Variants in ZNF536 observed in about 807,000 individuals in gnomAD.
The protein encoded by ZNF536 is zinc finger protein 536.
Under a neutral mutation model 84.5 loss-of-function variants are expected in ZNF536, and 13 were observed. The observed-to-expected ratio is 0.15, with a 90% CI of 0.10 to 0.24. The LOEUF is 0.24. Among genes scored for constraint, ZNF536 ranks in the 10% least tolerant of loss-of-function variants. The pLI, the probability that ZNF536 is intolerant of heterozygous loss-of-function variation, is 1.00. For synonymous variants in ZNF536, 811 were observed against 742.5 expected, an observed-to-expected ratio of 1.09 and a Z score of -1.50; for missense variants, 1,536 against 1,747.5, an observed-to-expected ratio of 0.88 and a Z score of 2.16.
intron 1 of ZNF536, among the ~76,000 whole-genome samples, chr19:30,594,606 T>C (rs946013042): frequency 6.6e-6 from 1 of 152,110 alleles, no homozygotes; most frequent in African/African-American, 2.4e-5. Context: ...TAGGCGCTCG[T>C]CTGCAGGACA....
chr19:30,428,212 T>G (rs1489753519), intron 1 of ZNF536, among the ~76,000 whole-genome samples: 1 of 152,188 alleles, frequency 6.6e-6, no homozygotes, highest in Admixed American at 6.5e-5. Context: ...ATTGCAGGCC[T>G]GATAGAGGCC....
intron 1 of ZNF536, among the ~76,000 whole-genome samples, chr19:30,260,882 C>T (rs530995297): frequency 9.5e-4 from 145 of 152,338 alleles, no homozygotes; most frequent in African/African-American, 3.4e-3. Flanking sequence ...GACCCCCTGG[C>T]CCATCCCATT....
At chr19:30,366,075 C>G (rs755216844) in intron 3 of ZNF536, among the ~76,000 whole-genome samples, 1 of 152,122 alleles carries the variant, frequency 6.6e-6, no homozygotes, top group South Asian at 2.1e-4. Flanking sequence ...CCCCGCCGAA[C>G]CCCTGAGGAA....
intron 1 of ZNF536, among the ~76,000 whole-genome samples, chr19:30,243,805 T>C (rs1201868755): frequency 6.6e-6 from 1 of 152,244 alleles, no homozygotes; most frequent in Non-Finnish European, 1.5e-5. Context: ...TTTAATGCTT[T>C]GCAAGTTATT....
At chr19:30,226,072 C>G (rs1409299165), upstream of ZNF536, among the ~76,000 whole-genome samples, 4 of 151,904 alleles carry the variant, frequency 2.6e-5, no homozygotes, top group African/African-American at 9.7e-5. The surrounding 1 kb of genome is among the most constrained non-coding windows in gnomAD (Gnocchi z 4.6). Context: ...GTCCCGGGAC[C>G]GTTACTTTGA....
At chr19:30,527,279 C>G (rs1339549634) in intron 2 of ZNF536, among the ~76,000 whole-genome samples, 6 of 139,726 alleles carry the variant, frequency 4.3e-5, no homozygotes, top group African/African-American at 1.6e-4. Context: ...TGACCTACTT[C>G]CCCAATTCCA....
Position 30,378,463 on chromosome 19 carries a change from T to A in ZNF536, c.-3+5907T>A, listed in dbSNP as rs547133439. On this transcript the variant is annotated intron_variant, in intron 1 of 4. Coordinates refer to ENST00000355537, the MANE Select transcript of ZNF536 (RefSeq NM_014717.3). ...GATGTGAGCCACCATGTCTGGCTAA[T>A]TTTTATATTTTTAGCAGAGATGGGG... Among the ~76,000 whole-genome samples, 3 of 152,330 alleles carry A rather than the reference T, an allele frequency of 2.0e-5. No individual in the cohort carries two copies. In the East Asian group the frequency reaches 5.8e-4, roughly 29 times the overall value.
intron 2 of ZNF536, among the ~76,000 whole-genome samples, chr19:30,507,071 T>C (rs2055203825): frequency 6.6e-6 from 1 of 152,220 alleles, no homozygotes; most frequent in African/African-American, 2.4e-5. Flanking sequence ...ATGTCAAAAA[T>C]ACAGACCTGG....
At chr19:30,510,665 GC>G (rs1366373091) in intron 2 of ZNF536, among the ~76,000 whole-genome samples, 1 of 152,196 alleles carries the variant, frequency 6.6e-6, no homozygotes, top group Non-Finnish European at 1.5e-5. Flanking sequence ...CTCTATGGTT[GC>G]AAGGAAGCAG....
chr19:30,555,687 A>G (rs1335133572), intron 4 of ZNF536: 1 of 152,234 alleles, frequency 6.6e-6, no homozygotes, highest in Non-Finnish European at 1.5e-5. Context: ...GGGGTATGAA[A>G]TACACAGTGA....
intron 1 of ZNF536, among the ~76,000 whole-genome samples, chr19:30,240,938 G>A (rs564511295): frequency 6.6e-6 from 1 of 152,324 alleles, no homozygotes; most frequent in East Asian, 1.9e-4. Context: ...AACTGTTTGG[G>A]GTCCTGGGGA....
intron 1 of ZNF536, among the ~76,000 whole-genome samples, chr19:30,603,973 C>G (rs1470032989): frequency 6.6e-6 from 1 of 152,112 alleles, no homozygotes; most frequent in African/African-American, 2.4e-5. Flanking sequence ...ATTTATAATC[C>G]CAGCTACTCT....
intron 1 of ZNF536, among the ~76,000 whole-genome samples, chr19:30,663,570 T>A (rs1213176498): frequency 6.6e-6 from 1 of 152,206 alleles, no homozygotes; most frequent in Non-Finnish European, 1.5e-5. Context: ...AATTCCACCA[T>A]CTGTAAAGTT....
intron 1 of ZNF536, among the ~76,000 whole-genome samples, chr19:30,650,427 T>C (rs959884054): frequency 2.6e-5 from 4 of 152,236 alleles, no homozygotes; most frequent in African/African-American, 7.2e-5. Flanking sequence ...CTCCTTTTCT[T>C]GTTACTCTTT....
At chr19:30,461,437 C>T (rs952672693) in intron 2 of ZNF536, among the ~76,000 whole-genome samples, 9 of 152,186 alleles carry the variant, frequency 5.9e-5, no homozygotes, top group African/African-American at 2.2e-4. Flanking sequence ...GTCATCCCGA[C>T]ATCCCTTCAG....
At chr19:30,666,171 T>C (rs138832800) in intron 1 of ZNF536, among the ~76,000 whole-genome samples, 18 of 152,300 alleles carry the variant, frequency 1.2e-4, no homozygotes, top group African/African-American at 3.6e-4. Flanking sequence ...CGCTTGCTGA[T>C]CACGGCTCAC....
chr19:30,513,854 C>T (rs2055521067), intron 2 of ZNF536, among the ~76,000 whole-genome samples: 1 of 152,196 alleles, frequency 6.6e-6, no homozygotes, highest in African/African-American at 2.4e-5. Flanking sequence ...CTCCACCAAG[C>T]TGTTTCTTTC....
chr19:30,646,450 G>T (rs12972537), intron 1 of ZNF536, among the ~76,000 whole-genome samples: 66,541 of 152,084 alleles, frequency 0.44, 15,376 homozygotes, highest in Admixed American at 0.54. Flanking sequence ...AGGTGTGAAG[G>T]TGTGCTCATG....
At chr19:30,559,538 G>A (rs2046082985), downstream of ZNF536, among the ~76,000 whole-genome samples, 1 of 152,220 alleles carries the variant, frequency 6.6e-6, no homozygotes, top group Admixed American at 6.5e-5. Flanking sequence ...CCAGGGCTGA[G>A]CACACTGTTC....
Sources: allele counts gnomAD v4.1 joint callset (sites outside exome capture counted in the v4.1 genomes callset), GRCh38; gene constraint gnomAD v4.1.1; non-coding constraint Gnocchi (gnomAD v3.1); transcripts MANE v1.5; gene names NCBI Gene and HGNC (gene_info 2026-07-23, HGNC 2026-07-21).